The following ASIC2 variants were observed in gnomAD, a reference collection of about 807,000 sequenced individuals.
The protein encoded by ASIC2 is acid-sensing ion channel 2.
ASIC2 carries 25 observed loss-of-function variants against 57.3 expected under a neutral mutation model. That is an observed-to-expected ratio of 0.44 (90% CI 0.32 to 0.61). ASIC2 has a LOEUF of 0.61. ASIC2 is among the 20% of genes least tolerant of loss of function. The probability of loss-of-function intolerance (pLI) is 0.06; values close to 1 mark genes in which losing one functional copy is unlikely to be tolerated. For missense variants in ASIC2, 641 were observed against 738.1 expected, an observed-to-expected ratio of 0.87 and a Z score of 1.52; for synonymous variants, 319 against 307.5, an observed-to-expected ratio of 1.04 and a Z score of -0.39.
In ASIC2 at chr17:33,482,799, C is replaced by T. The variant is rs946483888; in HGVS notation, c.556-370732G>A. Reference sequence around the variant, plus strand: ...CCTTCCCAGGCAGGCCCTGAGAGGGCGACTTGCCAGCCTTCTCTCGGACAC... The same window carrying T: ...CCTTCCCAGGCAGGCCCTGAGAGGGTGACTTGCCAGCCTTCTCTCGGACAC... On this transcript the variant is annotated intron_variant, in intron 1 of 9. Transcript: ENST00000359872. 1.1e-4 allele frequency among the ~76,000 whole-genome samples: 16 copies of T among 152,352 alleles called. No homozygotes were observed. The East Asian group carries it at 2.9e-3, about 28-fold the overall frequency.
At chr17:33,543,433 A>G (rs1915485357) in intron 1 of ASIC2, among the ~76,000 whole-genome samples, 2 of 152,180 alleles carry the variant, frequency 1.3e-5, no homozygotes, top group Non-Finnish European at 2.9e-5. Flanking sequence ...TAGTGTCAGA[A>G]GTAACAGTGA....
chr17:33,291,230 G>C (rs1230196676), intron 1 of ASIC2, 178 bp downstream of exon 1: 3 of 1,351,018 alleles, frequency 2.2e-6, no homozygotes, highest in East Asian at 5.4e-5. Flanking sequence ...TTAAGTCCAA[G>C]TTCCCACAAC....
At chr17:33,782,366 T>G (rs1467898806) in intron 1 of ASIC2, among the ~76,000 whole-genome samples, 2 of 152,076 alleles carry the variant, frequency 1.3e-5, no homozygotes, top group Non-Finnish European at 1.5e-5. Context: ...TCCTTTTTTT[T>G]TTTTTTGCCC....
intron 1 of ASIC2, among the ~76,000 whole-genome samples, chr17:33,122,957 T>C (rs4541122): frequency 0.4 from 60,255 of 152,096 alleles, 12,428 homozygotes; most frequent in African/African-American, 0.45. Flanking sequence ...CTCTCATCTG[T>C]TACAGTGGCC....
At chr17:33,623,236 GT>G (rs770813988) in intron 1 of ASIC2, among the ~76,000 whole-genome samples, 12 of 129,294 alleles carry the variant, frequency 9.3e-5, no homozygotes, top group South Asian at 2.4e-4. Context: ...TTGTGATATC[GT>G]TTTTTTTTGT....
At chr17:33,142,092 T>C (rs74567644) in intron 1 of ASIC2, among the ~76,000 whole-genome samples, 1 of 152,342 alleles carries the variant, frequency 6.6e-6, no homozygotes, top group Non-Finnish European at 1.5e-5. Context: ...CAGGAGTTTG[T>C]TCTCTGTTGC....
At chr17:34,071,697 G>C (rs996718804) in intron 1 of ASIC2, 2 of 152,170 alleles carry the variant, frequency 1.3e-5, no homozygotes, top group Non-Finnish European at 2.9e-5. Flanking sequence ...AGGCATGGTG[G>C]TGTGCACCTG....
At chr17:33,746,458 G>A (rs2701480) in intron 1 of ASIC2, among the ~76,000 whole-genome samples, 1 of 138,934 alleles carries the variant, frequency 7.2e-6, no homozygotes, top group East Asian at 2.2e-4. Flanking sequence ...ATATATGTGT[G>A]TATATGTGTA....
At chr17:34,119,789 C>T (rs1324021878) in intron 1 of ASIC2, among the ~76,000 whole-genome samples, 1 of 152,148 alleles carries the variant, frequency 6.6e-6, no homozygotes, top group African/African-American at 2.4e-5. Flanking sequence ...CCACAATTCC[C>T]GTCTGTTATG....
intron 1 of ASIC2, among the ~76,000 whole-genome samples, chr17:33,379,488 C>T (rs565800252): frequency 6.6e-6 from 1 of 152,156 alleles, no homozygotes; most frequent in Non-Finnish European, 1.5e-5. Context: ...GCTCCTGGGA[C>T]CTTTTAAGGG....
intron 1 of ASIC2, among the ~76,000 whole-genome samples, chr17:33,369,409 G>A (rs958619164): frequency 4.6e-5 from 7 of 152,192 alleles, no homozygotes; most frequent in Non-Finnish European, 1.0e-4. Context: ...TCTCTTACTT[G>A]TTGTGTGACT....
At chr17:33,887,585 G>T (rs75799572) in intron 1 of ASIC2, among the ~76,000 whole-genome samples, 1 of 152,256 alleles carries the variant, frequency 6.6e-6, no homozygotes, top group African/African-American at 2.4e-5. Context: ...TGGTGCTTTG[G>T]GTTGGTGTGC....
chr17:33,612,258 G>C (rs149459670), intron 1 of ASIC2, among the ~76,000 whole-genome samples: 1 of 152,148 alleles, frequency 6.6e-6, no homozygotes, highest in Non-Finnish European at 1.5e-5. Context: ...AAATATCTGA[G>C]CACCCTGTGG....
At chr17:33,582,610 G>A (rs922098460) in intron 1 of ASIC2, among the ~76,000 whole-genome samples, 4 of 152,146 alleles carry the variant, frequency 2.6e-5, no homozygotes, top group African/African-American at 9.7e-5. Context: ...ATTAACTAAA[G>A]GATGTACCTC....
intron 1 of ASIC2, among the ~76,000 whole-genome samples, chr17:33,985,619 G>A (rs553498976): frequency 6.6e-6 from 1 of 152,302 alleles, no homozygotes; most frequent in Non-Finnish European, 1.5e-5. Flanking sequence ...AAAGAGGGCA[G>A]AGTGTAATAT....
chr17:33,189,944 T>C (rs1233477042), intron 1 of ASIC2, among the ~76,000 whole-genome samples: 1 of 152,164 alleles, frequency 6.6e-6, no homozygotes, highest in Non-Finnish European at 1.5e-5. Context: ...AAAGGGTGAA[T>C]GATCTTCCCC....
chr17:33,624,166 G>A (rs758689760), intron 1 of ASIC2: 1 of 152,002 alleles, frequency 6.6e-6, no homozygotes, highest in South Asian at 2.1e-4. Flanking sequence ...ATATTTTTTC[G>A]AAAACATCCT....
intron 1 of ASIC2, among the ~76,000 whole-genome samples, chr17:33,361,567 C>T (rs535569874): frequency 3.9e-5 from 6 of 152,174 alleles, no homozygotes; most frequent in African/African-American, 1.4e-4. Flanking sequence ...TGGTAACTGC[C>T]CTACCTGTTG....
intron 1 of ASIC2, chr17:34,006,409 T>C (rs907787280): frequency 6.6e-6 from 1 of 152,308 alleles, no homozygotes; most frequent in African/African-American, 2.4e-5. Context: ...AGAGTGTGGA[T>C]TCATTTCCAG....
Sources: gnomAD v4.1 joint callset for allele counts (sites outside exome capture counted in the v4.1 genomes callset) on GRCh38, gnomAD v4.1.1 for gene constraint, MANE v1.5 for transcripts, NCBI Gene and HGNC (gene_info 2026-07-23, HGNC 2026-07-21) for gene names.